The following KIAA1549L variants were observed in gnomAD, a reference collection of about 807,000 sequenced individuals.
The protein encoded by KIAA1549L is KIAA1549 like, also known as UPF0606 protein KIAA1549L.
KIAA1549L carries 88 observed loss-of-function variants against 160.7 expected under a neutral mutation model. That is an observed-to-expected ratio of 0.55 (90% confidence interval 0.46 to 0.65). The LOEUF (loss-of-function observed/expected upper bound fraction) is 0.65. KIAA1549L is among the 30% of genes least tolerant of loss of function. KIAA1549L has a pLI of 0.00. For missense variants in KIAA1549L, 2,258 were observed against 2,437.5 expected (o/e 0.93, Z 1.55); for synonymous variants, 950 against 976.7 (o/e 0.97, Z 0.51).
chr11:33,483,203 C>T (rs1250972950), intron 1 of KIAA1549L, among the ~76,000 whole-genome samples: 1 of 152,096 alleles, frequency 6.6e-6, no homozygotes, highest in Non-Finnish European at 1.5e-5. Context: ...ATAGTGCCAT[C>T]GTTCTAGAAT....
intron 20 of KIAA1549L, among the ~76,000 whole-genome samples, chr11:33,661,564 T>C (rs931985233): frequency 6.6e-6 from 1 of 152,108 alleles, no homozygotes; most frequent in African/African-American, 2.4e-5. Flanking sequence ...TTAGAAGAAA[T>C]GTCAGAAAAT....
chr11:33,461,929 G>A (rs1337416998), intron 1 of KIAA1549L, among the ~76,000 whole-genome samples: 1 of 152,210 alleles, frequency 6.6e-6, no homozygotes, highest in East Asian at 1.9e-4. Flanking sequence ...ACACAGTGCT[G>A]AAGAAAGTAT....
chr11:33,581,229 CAGT>C, intron 10 of KIAA1549L, among the ~76,000 whole-genome samples: 1 of 152,336 alleles, frequency 6.6e-6, no homozygotes, highest in African/African-American at 2.4e-5. Context: ...CCCCTGCATC[CAGT>C]CACCCCAGTT....
rs1854206002 is a variant in KIAA1549L, at chr11:33,545,236, A to C, written c.3243A>C (p.Ser1081=). The change falls in exon 3 of 21, where the codon TCA becomes TCC. Residue 1081 remains serine, a synonymous_variant. Coordinates refer to ENST00000658780, the MANE Select transcript of KIAA1549L (RefSeq NM_012194.3). ...CCGCGCTGACATCCATTACAGCCTCAGTGAAGGCCACCCGGTTGCCACCAT... is the reference window on the plus strand; with the variant it reads ...CCGCGCTGACATCCATTACAGCCTCCGTGAAGGCCACCCGGTTGCCACCAT... ...VTAALTSITA[S]VKATRLPPLR... 1 of 1,613,892 alleles carries C rather than the reference A, an allele frequency of 6.2e-7. No individual in the cohort carries two copies. The highest frequency in any genetic ancestry group is 1.3e-5 in the African/African-American group (1 of 74,930).
chr11:33,417,273 T>C (rs770764436), intron 1 of KIAA1549L, among the ~76,000 whole-genome samples: 1 of 152,226 alleles, frequency 6.6e-6, no homozygotes, highest in Non-Finnish European at 1.5e-5. Context: ...GCAGATTTTA[T>C]GTGGCACTGC....
At chr11:33,614,565 TATATATATA>T (rs1850748023) in intron 15 of KIAA1549L, among the ~76,000 whole-genome samples, 1 of 18,744 alleles carries the variant, frequency 5.3e-5, no homozygotes, top group Non-Finnish European at 9.2e-5. Flanking sequence ...TATATATATA[TATATATATA>T]TATATATATA....
chr11:33,577,652 C>A (rs996481001), intron 10 of KIAA1549L, among the ~76,000 whole-genome samples: 1 of 152,092 alleles, frequency 6.6e-6, no homozygotes, highest in African/African-American at 2.4e-5. Context: ...CAGCTGAAAT[C>A]GAGGTGTGTG....
chr11:33,550,991 A>C (rs1241837773), intron 4 of KIAA1549L, 49 bp from the exon 5 acceptor site: 6 of 1,471,008 alleles, frequency 4.1e-6, no homozygotes, highest in Non-Finnish European at 5.7e-6. Context: ...AAGAACTTAA[A>C]GTGCTGTGGA....
intron 1 of KIAA1549L, among the ~76,000 whole-genome samples, chr11:33,381,634 G>A (rs1262565643): frequency 6.6e-6 from 1 of 152,170 alleles, no homozygotes; most frequent in African/African-American, 2.4e-5. Flanking sequence ...CAAACAAGAG[G>A]TGACATAATC....
chr11:33,490,725 A>C (rs574475775), intron 1 of KIAA1549L, among the ~76,000 whole-genome samples: 19 of 152,316 alleles, frequency 1.2e-4, no homozygotes, highest in African/African-American at 4.6e-4. Flanking sequence ...AGCTGCAGTT[A>C]GAAATGTTAG....
chr11:33,493,034 T>C lies in KIAA1549L; in HGVS notation c.239-48768T>C, dbSNP rs150853480. Among the ~76,000 whole-genome samples the C allele has an allele frequency of 1.3e-3, 191 of 152,246 alleles. 2 individuals are homozygous for C. Among genetic ancestry groups the C allele is most frequent in the African/African-American group, 4.4e-3 (184 of 41,538 alleles). ...AGGTAGAAAAAACAGGATTCCTCGT[T>C]GTTTGACCTGCACCTCCACTTTATG... On this transcript the variant is annotated intron_variant, in intron 1 of 20. Transcript: ENST00000658780.
intron 1 of KIAA1549L, among the ~76,000 whole-genome samples, chr11:33,411,225 A>T (rs1850778783): frequency 6.6e-6 from 1 of 152,176 alleles, no homozygotes; most frequent in African/African-American, 2.4e-5. Flanking sequence ...ATTTATAATG[A>T]CCACCCTCTA....
chr11:33,582,020 G>A (rs1855661719), intron 10 of KIAA1549L, among the ~76,000 whole-genome samples: 1 of 152,124 alleles, frequency 6.6e-6, no homozygotes, highest in Non-Finnish European at 1.5e-5. Context: ...TAATGATAAA[G>A]AGGCATACAG....
intron 16 of KIAA1549L, among the ~76,000 whole-genome samples, chr11:33,627,996 C>T (rs1449857800): frequency 9.2e-5 from 14 of 151,952 alleles, no homozygotes; most frequent in African/African-American, 1.2e-4. Flanking sequence ...TCTTTGTTCT[C>T]GTTGGTTTCA....
intron 16 of KIAA1549L, among the ~76,000 whole-genome samples, chr11:33,639,342 A>G (rs1293359600): frequency 1.3e-5 from 2 of 152,158 alleles, no homozygotes; most frequent in Non-Finnish European, 2.9e-5. Context: ...AATGGCCACC[A>G]TGAAGCGCAA....
chr11:33,610,490 G>T (rs2133331031), intron 15 of KIAA1549L, among the ~76,000 whole-genome samples: 1 of 152,294 alleles, frequency 6.6e-6, no homozygotes, highest in South Asian at 2.1e-4. Context: ...TACCATTCAA[G>T]ATGCTGAATG....
chr11:33,510,197 TTC>T (rs2062416698), intron 1 of KIAA1549L, among the ~76,000 whole-genome samples: 1 of 152,122 alleles, frequency 6.6e-6, no homozygotes, highest in Non-Finnish European at 1.5e-5. Context: ...ATCTCTTGAT[TTC>T]TCTTTCTTTC....
chr11:33,414,549 C>A (rs1850850142), intron 1 of KIAA1549L, among the ~76,000 whole-genome samples: 1 of 152,146 alleles, frequency 6.6e-6, no homozygotes, highest in East Asian at 1.9e-4. Flanking sequence ...ACGGAGTGCA[C>A]ATTTTTAAGG....
intron 1 of KIAA1549L, among the ~76,000 whole-genome samples, chr11:33,440,746 G>T (rs1851484489): frequency 6.6e-6 from 1 of 152,076 alleles, no homozygotes; most frequent in Admixed American, 6.6e-5. Context: ...GGGCATCTCA[G>T]ACCTTCTTTT....
Sources: allele counts gnomAD v4.1 joint callset (sites outside exome capture counted in the v4.1 genomes callset), GRCh38; gene constraint gnomAD v4.1.1; transcripts MANE v1.5; gene names NCBI Gene and HGNC (gene_info 2026-07-23, HGNC 2026-07-21).